The following THRB variants were observed in gnomAD, a reference collection of about 807,000 sequenced individuals.
THRB encodes the protein nuclear receptor subfamily 1 group A member 2.
In THRB, 12 loss-of-function variants were observed where a neutral mutation model predicts 47.8. The ratio of observed to expected loss-of-function variants is 0.25; its 90% CI spans 0.16 to 0.41. The LOEUF (loss-of-function observed/expected upper bound fraction) is 0.41, where lower values mean the gene tolerates loss of function less well. THRB is among the 10% of genes least tolerant of loss of function. The pLI is 1.00. For missense variants in THRB, 348 were observed against 589.2 expected, an observed-to-expected ratio of 0.59 and a Z score of 4.24; for synonymous variants, 218 against 212.2, an observed-to-expected ratio of 1.03 and a Z score of -0.24.
intron 1 of THRB, among the ~76,000 whole-genome samples, chr3:24,356,795 C>T (rs932960333): frequency 6.6e-6 from 1 of 152,060 alleles, no homozygotes; most frequent in African/African-American, 2.4e-5. Context: ...TCCTCCCTGG[C>T]CATATCAGAG....
At chr3:24,162,352 C>G (rs1020890848) in intron 5 of THRB, among the ~76,000 whole-genome samples, 8 of 152,194 alleles carry the variant, frequency 5.3e-5, no homozygotes, top group Non-Finnish European at 8.8e-5. Flanking sequence ...GCAGCCAGCA[C>G]TGGCCCCGTG....
chr3:24,382,402 A>C (rs75963215), intron 1 of THRB, among the ~76,000 whole-genome samples: 4,239 of 152,248 alleles, frequency 0.028, 196 homozygotes, highest in African/African-American at 0.087. Flanking sequence ...CAAATAAGGA[A>C]AAATATCATT....
chr3:24,358,563 C>G (rs1475684561), intron 1 of THRB, among the ~76,000 whole-genome samples: 5 of 152,132 alleles, frequency 3.3e-5, no homozygotes, highest in Non-Finnish European at 7.4e-5. Context: ...TCATCTTTAT[C>G]ATATACCAAA....
intron 1 of THRB, among the ~76,000 whole-genome samples, chr3:24,425,627 A>G (rs1409542712): frequency 6.6e-6 from 1 of 151,984 alleles, no homozygotes; most frequent in African/African-American, 2.4e-5. Context: ...GGCAACAATC[A>G]GTATCCATTT....
intron 2 of THRB, among the ~76,000 whole-genome samples, chr3:24,333,205 A>T (rs1481172673): frequency 6.6e-6 from 1 of 152,194 alleles, no homozygotes; most frequent in Non-Finnish European, 1.5e-5. Context: ...ATACTGTTTA[A>T]AAAAAAGTGG....
chr3:24,449,427 C>T (rs1169881360), intron 1 of THRB, among the ~76,000 whole-genome samples: 1 of 152,116 alleles, frequency 6.6e-6, no homozygotes, highest in East Asian at 1.9e-4. Flanking sequence ...ATTCCCAGAA[C>T]CAAGTAACCC....
intron 2 of THRB, among the ~76,000 whole-genome samples, chr3:24,334,822 G>C (rs1326747503): frequency 6.6e-6 from 1 of 152,206 alleles, no homozygotes; most frequent in Non-Finnish European, 1.5e-5. Context: ...GAATGTGCCA[G>C]ACCTGGACCA....
intron 4 of THRB, among the ~76,000 whole-genome samples, chr3:24,218,346 T>C (rs531875531): frequency 7.0e-4 from 101 of 143,886 alleles, no homozygotes; most frequent in Middle Eastern, 7.0e-3. Context: ...CTCTCTCTTT[T>C]TTTTTTTTTT....
intron 3 of THRB, among the ~76,000 whole-genome samples, chr3:24,277,726 T>C (rs2054081691): frequency 6.6e-6 from 1 of 152,196 alleles, no homozygotes; most frequent in Admixed American, 6.5e-5. Flanking sequence ...TTAAGCTAGT[T>C]ATAAAGTTAC....
chr3:24,341,711 GGAAT>G (rs1156747424), intron 1 of THRB, among the ~76,000 whole-genome samples: 3 of 152,068 alleles, frequency 2.0e-5, no homozygotes, highest in Admixed American at 6.5e-5. Context: ...TTTGGTCAAT[GGAAT>G]GTTATCAGAT....
intron 3 of THRB, among the ~76,000 whole-genome samples, chr3:24,290,677 G>A (rs967647754): frequency 3.3e-5 from 5 of 152,100 alleles, no homozygotes; most frequent in Non-Finnish European, 7.4e-5. Flanking sequence ...TTTCTGACAA[G>A]AAGCCTGATT....
chr3:24,443,853 G>A (rs2071791427), intron 1 of THRB, among the ~76,000 whole-genome samples: 1 of 152,070 alleles, frequency 6.6e-6, no homozygotes. Flanking sequence ...GAAATTCGAA[G>A]GGAATAAATA....
intron 2 of THRB, among the ~76,000 whole-genome samples, chr3:24,312,099 G>T (rs1379495834): frequency 1.3e-5 from 2 of 152,176 alleles, no homozygotes; most frequent in African/African-American, 4.8e-5. Flanking sequence ...AAACTTGAAT[G>T]CTTGCCCTTG....
intron 1 of THRB, among the ~76,000 whole-genome samples, chr3:24,404,392 CTT>C (rs2067659488): frequency 6.6e-6 from 1 of 151,910 alleles, no homozygotes; most frequent in Non-Finnish European, 1.5e-5. Context: ...AATTTTCACA[CTT>C]ATCATAAAAG....
At chr3:24,415,757 T>C (rs990258516) in intron 1 of THRB, among the ~76,000 whole-genome samples, 13 of 151,884 alleles carry the variant, frequency 8.6e-5, no homozygotes, top group African/African-American at 2.9e-4. Flanking sequence ...AGTAGAATTA[T>C]AGAGTTCAAA....
At chr3:24,343,058 A>C (rs1409226497) in intron 1 of THRB, among the ~76,000 whole-genome samples, 1 of 152,192 alleles carries the variant, frequency 6.6e-6, no homozygotes, top group Non-Finnish European at 1.5e-5. Flanking sequence ...GGCTCTGAGC[A>C]AAGGATAATA....
chr3:24,431,900 T>C (rs1015112564), intron 1 of THRB, among the ~76,000 whole-genome samples: 1 of 152,106 alleles, frequency 6.6e-6, no homozygotes, highest in Non-Finnish European at 1.5e-5. Context: ...AACATATATA[T>C]GACATGCTAC....
At chr3:24,123,218 G>T (rs1344015884) in intron 10 of THRB, 93 bp from the exon 11 acceptor site, 2 of 1,574,204 alleles carry the variant, frequency 1.3e-6, no homozygotes, top group African/African-American at 1.3e-5. Context: ...GGGGCGGGCA[G>T]ATCTAGGGTC....
chr3:24,180,558 T>C (rs2041765213), intron 5 of THRB, among the ~76,000 whole-genome samples: 1 of 152,220 alleles, frequency 6.6e-6, no homozygotes, highest in Non-Finnish European at 1.5e-5. Flanking sequence ...CCATGGAGAA[T>C]AGCTCTGGAC....
Sources: gnomAD v4.1 joint callset for allele counts (sites outside exome capture counted in the v4.1 genomes callset) on GRCh38, gnomAD v4.1.1 for gene constraint, MANE v1.5 for transcripts, NCBI Gene and HGNC (gene_info 2026-07-23, HGNC 2026-07-21) for gene names.